The following KCND2 variants were observed in gnomAD, a reference collection of about 807,000 sequenced individuals.
The protein encoded by KCND2 is A-type voltage-gated potassium channel KCND2.
In KCND2, 16 loss-of-function variants were observed where a neutral mutation model predicts 54.4. That is an observed-to-expected ratio of 0.29 (90% CI 0.20 to 0.45). KCND2 has a LOEUF of 0.45. KCND2 is among the 20% of genes least tolerant of loss of function. The pLI, the probability that KCND2 is intolerant of heterozygous loss-of-function variation, is 1.00. For missense variants in KCND2, 486 were observed against 824.2 expected (o/e 0.59, Z 5.02); for synonymous variants, 317 against 310.7 (o/e 1.02, Z -0.21).
chr7:120,739,832 C>G (rs573494736), intron 2 of KCND2, among the ~76,000 whole-genome samples: 3 of 151,536 alleles, frequency 2.0e-5, no homozygotes, highest in East Asian at 1.9e-4. Flanking sequence ...CACACACACA[C>G]GCACTCCCTT....
Position 120,748,133 on chromosome 7 carries a change from AG to A in KCND2, c.*276del. On this transcript the variant is annotated 3_prime_UTR_variant, in exon 6 of 6. Transcript: ENST00000331113. ...CCGCCTACTGATGCTTCTTATGATCAGAACTCTTTTTTAATAAAATAAATAA... is the reference window on the plus strand; with the variant it reads ...CCGCCTACTGATGCTTCTTATGATCAAACTCTTTTTTAATAAAATAAATAA... 3.8e-6 allele frequency: 1 copy of A among 260,014 alleles called. No homozygotes were observed. The highest frequency in any genetic ancestry group is 7.3e-6 in the Non-Finnish European group (1 of 136,672). 16.1% of individuals were successfully genotyped at this position (260,014 alleles called of 1,614,324 possible).
chr7:120,456,070 T>C (rs1046772016), intron 1 of KCND2, among the ~76,000 whole-genome samples: 1 of 152,210 alleles, frequency 6.6e-6, no homozygotes, highest in Admixed American at 6.5e-5. Context: ...AGTTACAGCA[T>C]GCAAAGCCTT....
intron 1 of KCND2, among the ~76,000 whole-genome samples, chr7:120,369,377 A>G (rs1020702131): frequency 6.6e-6 from 1 of 152,070 alleles, no homozygotes; most frequent in African/African-American, 2.4e-5. Flanking sequence ...TTAATCTTCA[A>G]AAAACAACAG....
chr7:120,540,984 A>G (rs1002127959), intron 1 of KCND2, among the ~76,000 whole-genome samples: 91 of 152,230 alleles, frequency 6.0e-4, no homozygotes, highest in African/African-American at 2.0e-3. Flanking sequence ...ACATTATTAT[A>G]TTATTAAAAA....
chr7:120,745,740 T>A (rs1792997547), intron 4 of KCND2, 40 bp from the exon 5 acceptor site: 1 of 1,611,444 alleles, frequency 6.2e-7, no homozygotes, highest in Non-Finnish European at 8.5e-7. Context: ...TTTAAAAATG[T>A]GCTTCTCTGT....
At chr7:120,665,814 A>G (rs1244064906) in intron 1 of KCND2, among the ~76,000 whole-genome samples, 1 of 152,098 alleles carries the variant, frequency 6.6e-6, no homozygotes, top group Non-Finnish European at 1.5e-5. Flanking sequence ...TACAAGCACA[A>G]TTATTCAAGT....
rs1434613824 is a variant in KCND2, at chr7:120,274,707, G to A, written c.75G>A (p.Gly25=). 1.2e-6 allele frequency: 2 copies of A among 1,613,926 alleles called. No individual in the cohort carries two copies. The highest frequency in any genetic ancestry group is 1.1e-5 in the South Asian group (1 of 91,054). The change falls in exon 1 of 6, where the codon GGG becomes GGA. Residue 25 remains glycine (G), a synonymous_variant. Coordinates refer to ENST00000331113, the MANE Select transcript of KCND2 (RefSeq NM_012281.3). ...AAIGWMPVAS[G]PMPAPPRQER... Reference sequence around the variant, plus strand: ...TCGGGTGGATGCCTGTGGCCTCGGGGCCTATGCCGGCTCCCCCGAGGCAGG... The same window carrying A: ...TCGGGTGGATGCCTGTGGCCTCGGGACCTATGCCGGCTCCCCCGAGGCAGG...
At position 120,274,491 on chromosome 7, in the gene KCND2, C is replaced by A; in HGVS notation, c.-142C>A. 1 of 897,132 alleles carries A rather than the reference C, an allele frequency of 1.1e-6. No homozygotes were observed. Among genetic ancestry groups the A allele is most frequent in the South Asian group, 1.4e-5 (1 of 69,144 alleles). 55.6% of individuals were successfully genotyped at this position (897,132 alleles called of 1,614,324 possible). A position where few individuals can be genotyped will look rare whatever the true frequency, so the allele number is the denominator to read the frequency against. ...GAGAACTGTGACTTTACCAGGAGCC[C>A]TATCTTGGAATAAGAGTTACACCTC... On this transcript the variant is annotated 5_prime_UTR_variant, in exon 1 of 6. Transcript: ENST00000331113.
intron 1 of KCND2, among the ~76,000 whole-genome samples, chr7:120,699,557 A>G (rs1792375012): frequency 1.3e-5 from 2 of 152,196 alleles, no homozygotes; most frequent in Admixed American, 1.3e-4. Context: ...TTATGGAGAC[A>G]AAGAGTAGGA....
intron 1 of KCND2, among the ~76,000 whole-genome samples, chr7:120,288,145 G>T (rs1799375400): frequency 6.6e-6 from 1 of 152,062 alleles, no homozygotes; most frequent in Non-Finnish European, 1.5e-5. Context: ...GGTAGGCTGA[G>T]CTTTTCTTAG....
intron 1 of KCND2, among the ~76,000 whole-genome samples, chr7:120,422,182 T>C (rs553768016): frequency 6.6e-6 from 1 of 152,326 alleles, no homozygotes; most frequent in East Asian, 1.9e-4. Context: ...CTATAAGTTG[T>C]CTAAGTATCC....
Position 120,748,116 on chromosome 7 carries a change from T to A in KCND2, c.*258T>A, listed in dbSNP as rs1278807711. On this transcript the variant is annotated 3_prime_UTR_variant, in exon 6 of 6. Coordinates refer to ENST00000331113, the MANE Select transcript of KCND2 (RefSeq NM_012281.3). ...ATGAGCACAATGAAATGCCGCCTAC[T>A]GATGCTTCTTATGATCAGAACTCTT... is the stretch of plus-strand genomic sequence containing the variant. The A allele has an allele frequency of 3.2e-6, 1 of 312,908 alleles. No homozygotes were observed. Among genetic ancestry groups the A allele is most frequent in the Non-Finnish European group, 5.9e-6 (1 of 169,246 alleles). 19.4% of individuals were successfully genotyped at this position (312,908 alleles called of 1,614,324 possible).
intron 1 of KCND2, among the ~76,000 whole-genome samples, chr7:120,488,830 A>G (rs1022766142): frequency 3.3e-5 from 5 of 152,098 alleles, no homozygotes; most frequent in African/African-American, 1.2e-4. Context: ...CGACACATCA[A>G]TTATGACTTA....
chr7:120,503,013 C>T (rs1412461687), intron 1 of KCND2, among the ~76,000 whole-genome samples: 2 of 152,002 alleles, frequency 1.3e-5, no homozygotes, highest in South Asian at 2.1e-4. Context: ...TTTTTATTTA[C>T]CCAGTTTGAA....
At chr7:120,458,610 G>T (rs1802236791) in intron 1 of KCND2, among the ~76,000 whole-genome samples, 1 of 151,964 alleles carries the variant, frequency 6.6e-6, no homozygotes, top group Non-Finnish European at 1.5e-5. Context: ...ATGTGATAGG[G>T]GCTATGAAAA....
chr7:120,669,931 AG>A (rs1268353114), intron 1 of KCND2, among the ~76,000 whole-genome samples: 4 of 152,118 alleles, frequency 2.6e-5, no homozygotes, highest in Non-Finnish European at 5.9e-5. Context: ...TCAAAAGATG[AG>A]TCTACTGCCT....
At chr7:120,551,624 C>T (rs1474424134) in intron 1 of KCND2, among the ~76,000 whole-genome samples, 1 of 152,102 alleles carries the variant, frequency 6.6e-6, no homozygotes, top group Non-Finnish European at 1.5e-5. Flanking sequence ...AAAATTGTCA[C>T]AAAATACTGT....
At chr7:120,606,494 A>G (rs1792883785) in intron 1 of KCND2, among the ~76,000 whole-genome samples, 1 of 151,932 alleles carries the variant, frequency 6.6e-6, no homozygotes, top group African/African-American at 2.4e-5. Context: ...TTCTTCTATG[A>G]CTTTTATGAT....
intron 1 of KCND2, among the ~76,000 whole-genome samples, chr7:120,672,548 A>G (rs183231352): frequency 1.6e-3 from 249 of 152,148 alleles, no homozygotes; most frequent in African/African-American, 5.9e-3. Context: ...TGCGTCCACA[A>G]TAACACTTCA....
Sources: gnomAD v4.1 joint callset for allele counts (sites outside exome capture counted in the v4.1 genomes callset) on GRCh38, gnomAD v4.1.1 for gene constraint, MANE v1.5 for transcripts, NCBI Gene and HGNC (gene_info 2026-07-23, HGNC 2026-07-21) for gene names.